The following SPAG16 variants were observed in gnomAD, a reference collection of about 807,000 sequenced individuals.
SPAG16 encodes sperm-associated antigen 16 protein.
Under a neutral mutation model 80.4 loss-of-function variants are expected in SPAG16, and 86 were observed. That is an observed-to-expected ratio of 1.07 (90% CI 0.90 to 1.28). The LOEUF (loss-of-function observed/expected upper bound fraction) is 1.28, where lower values mean the gene tolerates loss of function less well. Among genes scored for constraint, SPAG16 ranks in the 50% most tolerant of loss-of-function variants. SPAG16 has a pLI of 0.00. For synonymous variants in SPAG16, 294 were observed against 265.9 expected (o/e 1.11, Z -1.03); for missense variants, 870 against 765.3 (o/e 1.14, Z -1.61).
intron 14 of SPAG16, among the ~76,000 whole-genome samples, chr2:214,127,707 C>T (rs1214069604): frequency 3.3e-5 from 5 of 151,834 alleles, no homozygotes; most frequent in Non-Finnish European, 5.9e-5. Context: ...ATGTCTTACC[C>T]TTTTCCCTAC....
intron 12 of SPAG16, among the ~76,000 whole-genome samples, chr2:213,944,501 C>G (rs1258304679): frequency 6.6e-6 from 1 of 152,126 alleles, no homozygotes; most frequent in African/African-American, 2.4e-5. Flanking sequence ...CACACGTTCA[C>G]AGGGAGAGAG....
intron 10 of SPAG16, among the ~76,000 whole-genome samples, chr2:213,528,592 C>T (rs2075966777): frequency 1.3e-5 from 2 of 151,990 alleles, no homozygotes; most frequent in Non-Finnish European, 2.9e-5. Flanking sequence ...TGTTACTTCC[C>T]TACTGAAGAT....
chr2:213,306,207 A>G (rs1306357562), intron 3 of SPAG16, among the ~76,000 whole-genome samples: 2 of 150,648 alleles, frequency 1.3e-5, no homozygotes, highest in African/African-American at 4.9e-5. Context: ...TCTTGATTAT[A>G]TTTATTTGAG....
At chr2:214,276,506 T>C (rs534849084) in intron 15 of SPAG16, among the ~76,000 whole-genome samples, 51 of 152,344 alleles carry the variant, frequency 3.3e-4, no homozygotes, top group African/African-American at 1.1e-3. Flanking sequence ...ACAAAATCTC[T>C]CAGCATTTGC....
intron 10 of SPAG16, among the ~76,000 whole-genome samples, chr2:213,618,677 A>G (rs1339797610): frequency 6.6e-6 from 1 of 151,312 alleles, no homozygotes; most frequent in African/African-American, 2.4e-5. Flanking sequence ...TGAATATGCT[A>G]TATGCTCTTT....
chr2:213,929,913 T>C (rs1479323299), intron 11 of SPAG16, 47 bp from the exon 12 acceptor site: 1 of 1,540,492 alleles, frequency 6.5e-7, no homozygotes, highest in Non-Finnish European at 8.9e-7. Flanking sequence ...TTCATAAAAA[T>C]TATGTTACTT....
chr2:213,296,799 G>T (rs565414136), intron 2 of SPAG16, among the ~76,000 whole-genome samples: 3 of 152,298 alleles, frequency 2.0e-5, no homozygotes, highest in South Asian at 4.2e-4. Context: ...TAAGAAGCGT[G>T]TGTTAAGTCT....
rs10171084 is a variant in SPAG16, at chr2:213,832,713, C to G, written c.1071-29772C>G. 6.3e-3 allele frequency among the ~76,000 whole-genome samples: 965 copies of G among 152,220 alleles called. 6 individuals carry two copies. The highest frequency in any genetic ancestry group is 0.012 in the Admixed American group (183 of 15,290). Reference sequence around the variant, plus strand: ...TTACCAAGAGATCAAACTATTTTGTCCAATCACATTTTTACACAACTGTCC... The same window carrying G: ...TTACCAAGAGATCAAACTATTTTGTGCAATCACATTTTTACACAACTGTCC... On this transcript the variant is annotated intron_variant, in intron 10 of 15. Coordinates refer to ENST00000331683, the MANE Select transcript of SPAG16 (RefSeq NM_024532.5).
At chr2:213,292,447 G>A (rs1195228179) in intron 1 of SPAG16, among the ~76,000 whole-genome samples, 4 of 151,562 alleles carry the variant, frequency 2.6e-5, no homozygotes, top group Admixed American at 6.6e-5. Context: ...GGCGGATCAT[G>A]AGGTCAGGAG....
At chr2:214,040,306 C>T (rs1325396745) in intron 13 of SPAG16, among the ~76,000 whole-genome samples, 1 of 152,016 alleles carries the variant, frequency 6.6e-6, no homozygotes, top group Non-Finnish European at 1.5e-5. Flanking sequence ...TTCTTTTAAA[C>T]TTTTATTTTA....
chr2:213,388,366 G>T (rs1047326083), intron 9 of SPAG16, among the ~76,000 whole-genome samples: 1 of 152,206 alleles, frequency 6.6e-6, no homozygotes, highest in Non-Finnish European at 1.5e-5. Flanking sequence ...AAAGGGCCAA[G>T]TCTCCTTTTC....
At chr2:213,711,073 A>C (rs2065964424) in intron 10 of SPAG16, among the ~76,000 whole-genome samples, 1 of 152,170 alleles carries the variant, frequency 6.6e-6, no homozygotes, top group South Asian at 2.1e-4. Flanking sequence ...ATTCCTTGTA[A>C]AAGACTATTT....
intron 15 of SPAG16, among the ~76,000 whole-genome samples, chr2:214,270,869 G>A (rs1691940707): frequency 6.6e-6 from 1 of 152,080 alleles, no homozygotes; most frequent in Admixed American, 6.6e-5. Context: ...TTCACAGGAT[G>A]TGTCACAATA....
At chr2:213,602,417 A>G (rs556939177) in intron 10 of SPAG16, among the ~76,000 whole-genome samples, 8 of 152,166 alleles carry the variant, frequency 5.3e-5, no homozygotes, top group Admixed American at 2.0e-4. Flanking sequence ...GCAGATCACG[A>G]GGTCAAGAGA....
At chr2:213,451,974 G>T (rs913821710) in intron 9 of SPAG16, among the ~76,000 whole-genome samples, 1 of 112,548 alleles carries the variant, frequency 8.9e-6, no homozygotes, top group Non-Finnish European at 1.8e-5. Context: ...CTCCACTCCC[G>T]CGCTTCCAGC....
At chr2:213,678,786 C>G (rs2064230939) in intron 10 of SPAG16, among the ~76,000 whole-genome samples, 1 of 152,192 alleles carries the variant, frequency 6.6e-6, no homozygotes, top group East Asian at 1.9e-4. Flanking sequence ...AGGTTGTACG[C>G]AGGCAGCACT....
intron 10 of SPAG16, among the ~76,000 whole-genome samples, chr2:213,704,961 AAATT>A (rs1011597476): frequency 6.6e-6 from 1 of 152,218 alleles, no homozygotes; most frequent in African/African-American, 2.4e-5. Context: ...TAGAAAAAAA[AAATT>A]AAATAGGCTA....
At chr2:214,360,607 G>C in intron 15 of SPAG16, among the ~76,000 whole-genome samples, 1 of 151,788 alleles carries the variant, frequency 6.6e-6, no homozygotes, top group Non-Finnish European at 1.5e-5. Context: ...TAGTCCACTA[G>C]GGCCAAAACT....
At chr2:214,149,807 A>G in intron 15 of SPAG16, among the ~76,000 whole-genome samples, 1 of 152,074 alleles carries the variant, frequency 6.6e-6, no homozygotes, top group Non-Finnish European at 1.5e-5. Flanking sequence ...TTCCACAATG[A>G]TATAAGTATT....
Sources: allele counts gnomAD v4.1 joint callset (sites outside exome capture counted in the v4.1 genomes callset), GRCh38; gene constraint gnomAD v4.1.1; transcripts MANE v1.5; gene names NCBI Gene and HGNC (gene_info 2026-07-23, HGNC 2026-07-21).